The following CBLB variants were observed in gnomAD, a reference collection of about 807,000 sequenced individuals.
The protein encoded by CBLB is E3 ubiquitin-protein ligase CBL-B.
In CBLB, 31 loss-of-function variants were observed where a neutral mutation model predicts 104.9. That is an observed-to-expected ratio of 0.30 (90% CI 0.22 to 0.40). The LOEUF is 0.40. Ranked by LOEUF, CBLB falls within the 10% of genes least tolerant of loss-of-function variation. CBLB has a pLI of 1.00. For synonymous variants in CBLB, 440 were observed against 422.6 expected (o/e 1.04, Z -0.51); for missense variants, 1,062 against 1,214.6 (o/e 0.87, Z 1.87).
chr3:105,838,403 A>ACACAT (rs2088959869), intron 3 of CBLB, among the ~76,000 whole-genome samples: 1 of 151,990 alleles, frequency 6.6e-6, no homozygotes, highest in Non-Finnish European at 1.5e-5. Flanking sequence ...GAAGGAAAAG[A>ACACAT]CACATTTTAG....
chr3:105,758,770 C>T (rs1469046842), intron 4 of CBLB, among the ~76,000 whole-genome samples: 2 of 152,230 alleles, frequency 1.3e-5, no homozygotes, highest in African/African-American at 4.8e-5. Context: ...CAGCAAGTGG[C>T]TTCCACTGTG....
intron 3 of CBLB, among the ~76,000 whole-genome samples, chr3:105,798,237 AG>A (rs2082453052): frequency 6.6e-6 from 1 of 152,236 alleles, no homozygotes; most frequent in Non-Finnish European, 1.5e-5. Context: ...TTTAAAAAAC[AG>A]GTATCTCACA....
chr3:105,742,224 T>C (rs1440129438), intron 6 of CBLB, among the ~76,000 whole-genome samples: 1 of 152,216 alleles, frequency 6.6e-6, no homozygotes, highest in Non-Finnish European at 1.5e-5. Context: ...AGCTGCTGTA[T>C]GTATGTGGCA....
At chr3:105,740,072 C>T (rs893325594) in intron 7 of CBLB, among the ~76,000 whole-genome samples, 2 of 151,184 alleles carry the variant, frequency 1.3e-5, no homozygotes. Context: ...CACTGCACTC[C>T]AGCCTGGCAA....
At chr3:105,768,934 G>A (rs1302633708) in intron 4 of CBLB, among the ~76,000 whole-genome samples, 1 of 152,210 alleles carries the variant, frequency 6.6e-6, no homozygotes, top group African/African-American at 2.4e-5. Context: ...TTTAAAAAGA[G>A]ATCAATTTAT....
intron 5 of CBLB, among the ~76,000 whole-genome samples, chr3:105,746,813 G>A (rs62261487): frequency 0.074 from 11,238 of 152,266 alleles, 596 homozygotes; most frequent in Admixed American, 0.16. Context: ...CAAGGGACAT[G>A]CCTGTCTTGC....
At chr3:105,835,432 A>C (rs552540015) in intron 3 of CBLB, among the ~76,000 whole-genome samples, 1 of 152,288 alleles carries the variant, frequency 6.6e-6, no homozygotes, top group East Asian at 1.9e-4. Flanking sequence ...AGAAGGGAAG[A>C]CATCAGGAGA....
intron 12 of CBLB, among the ~76,000 whole-genome samples, chr3:105,699,082 C>T (rs570104568): frequency 1.3e-5 from 2 of 152,222 alleles, no homozygotes; most frequent in East Asian, 3.9e-4. Context: ...TGTTAGATTA[C>T]TAGCACCAAG....
intron 3 of CBLB, among the ~76,000 whole-genome samples, chr3:105,782,540 G>A (rs766706368): frequency 1.5e-4 from 23 of 151,486 alleles, no homozygotes; most frequent in Admixed American, 2.6e-4. Context: ...AGGTAACTTT[G>A]GGCATTCTTT....
At chr3:105,693,636 G>A (rs777534331) in intron 12 of CBLB, 48 bp from the exon 13 acceptor site, 1 of 1,290,688 alleles carries the variant, frequency 7.7e-7, no homozygotes, top group Non-Finnish European at 1.1e-6. Context: ...ACTTCTGAAG[G>A]ACCTTAAAGC....
At chr3:105,720,317 T>A in intron 9 of CBLB, 67 bp from the exon 10 acceptor site, 1 of 1,424,066 alleles carries the variant, frequency 7.0e-7, no homozygotes, top group Non-Finnish European at 9.7e-7. Context: ...ATGCTAATAA[T>A]GTTCTACAAC....
intron 10 of CBLB, among the ~76,000 whole-genome samples, chr3:105,718,551 A>G (rs866757278): frequency 6.6e-6 from 1 of 152,166 alleles, no homozygotes; most frequent in Admixed American, 6.5e-5. Context: ...TTTCCTTCCT[A>G]CAGAGATAGA....
intron 2 of CBLB, among the ~76,000 whole-genome samples, chr3:105,854,146 C>G (rs565839192): frequency 6.6e-6 from 1 of 152,074 alleles, no homozygotes. Context: ...CAAAGAGGTG[C>G]AATTTGAATA....
At chr3:105,856,192 A>C (rs2091578613) in intron 2 of CBLB, among the ~76,000 whole-genome samples, 2 of 151,978 alleles carry the variant, frequency 1.3e-5, no homozygotes, top group African/African-American at 4.8e-5. Context: ...TCTACTAAAA[A>C]TACAAAAAGT....
intron 3 of CBLB, among the ~76,000 whole-genome samples, chr3:105,800,099 G>A (rs532635556): frequency 2.6e-5 from 4 of 152,166 alleles, no homozygotes; most frequent in African/African-American, 9.6e-5. Flanking sequence ...GTGGATCTTG[G>A]ACAAGTCACC....
intron 5 of CBLB, among the ~76,000 whole-genome samples, chr3:105,748,592 T>C (rs1421408010): frequency 2.0e-5 from 3 of 152,076 alleles, no homozygotes; most frequent in African/African-American, 2.4e-5. Flanking sequence ...AGGACTAATA[T>C]TAGCATGTGC....
intron 3 of CBLB, among the ~76,000 whole-genome samples, chr3:105,846,130 T>C (rs975693004): frequency 2.6e-5 from 4 of 152,068 alleles, no homozygotes; most frequent in African/African-American, 9.7e-5. Flanking sequence ...TAAATGTATA[T>C]GTTTATATCA....
chr3:105,745,250 TG>T (rs1253005340), intron 6 of CBLB, among the ~76,000 whole-genome samples: 1 of 152,222 alleles, frequency 6.6e-6, no homozygotes, highest in Admixed American at 6.5e-5. Context: ...CACTGAACCA[TG>T]GAAGAGACAG....
At position 105,786,556 on chromosome 3, in the gene CBLB, A is replaced by G. The variant is rs75686564; in HGVS notation, c.420-10014T>C. ...AGTGTTAGTCCTTCCCCCATAGTAC[A>G]TTCACAAATGGCACACCAGTATTTT... On this transcript the variant is annotated intron_variant, in intron 3 of 18. Coordinates refer to ENST00000394030, the MANE Select transcript of CBLB (RefSeq NM_170662.5). 2.2e-3 allele frequency among the ~76,000 whole-genome samples: 336 copies of G among 152,298 alleles called. 2 individuals carry two copies. Among genetic ancestry groups the G allele is most frequent in the African/African-American group, 7.8e-3 (326 of 41,568 alleles).
Sources: allele counts gnomAD v4.1 joint callset (sites outside exome capture counted in the v4.1 genomes callset), GRCh38; gene constraint gnomAD v4.1.1; transcripts MANE v1.5; gene names NCBI Gene and HGNC (gene_info 2026-07-23, HGNC 2026-07-21).